The following NELFA variants were observed in gnomAD, a reference collection of about 807,000 sequenced individuals.
NELFA encodes negative elongation factor A.
In NELFA, 35 loss-of-function variants were observed where a neutral mutation model predicts 51.8. That is an observed-to-expected ratio of 0.68 (90% confidence interval 0.52 to 0.90). The LOEUF (loss-of-function observed/expected upper bound fraction) is 0.90. Ranked by LOEUF, NELFA falls within the 40% of genes least tolerant of loss-of-function variation. NELFA has a pLI of 0.00. For missense variants in NELFA, 658 were observed against 746.4 expected (o/e 0.88, Z 1.38); for synonymous variants, 417 against 338.4 (o/e 1.23, Z -2.55).
intron 1 of NELFA, among the ~76,000 whole-genome samples, chr4:1,992,972 T>C (rs1348913622): frequency 6.6e-6 from 1 of 152,038 alleles, no homozygotes; most frequent in Non-Finnish European, 1.5e-5. Context: ...GGGCCCTCAC[T>C]CCCGACGCCC....
In NELFA at chr4:1,986,052, C is replaced by T. The variant is rs949615993; in HGVS notation, c.835+62G>A. 5 of 1,524,612 alleles carry T rather than the reference C, an allele frequency of 3.3e-6. No homozygotes were observed. In the African/African-American group the frequency reaches 6.9e-5, roughly 21 times the overall value. 94.4% of individuals were successfully genotyped at this position (1,524,612 alleles called of 1,614,324 possible). ...CCCGCCGAGCGTGGGCACAACCCAC[C>T]CCAACTGGGCAGGGCCCGCAGGGAC... On this transcript the variant is annotated intron_variant, in intron 6 of 10. Transcript: ENST00000382882.
chr4:1,995,968 A>G (rs1482432114), intron 1 of NELFA, among the ~76,000 whole-genome samples: 1 of 151,914 alleles, frequency 6.6e-6, no homozygotes, highest in Non-Finnish European at 1.5e-5. Context: ...CGGGCAACAT[A>G]GTAAGACCCC....
rs144562260 is a variant in NELFA at position 1,991,623 on chromosome 4, C to T, written c.303G>A (p.Pro101=). ...GCTCCAGGTTAAGCGAGCCTGTGTC[C>T]GGAAAGGACTTCAAGATGTCGGCGA... is the stretch of plus-strand genomic sequence containing the variant. ...LMVADILKSF[P]DTGSLNLELE... The change falls in exon 2 of 11, where the codon CCG becomes CCA. Residue 101 remains proline (P), a synonymous_variant. Transcript: ENST00000382882. 135 of 1,613,856 alleles carry T rather than the reference C, an allele frequency of 8.4e-5. No individual in the cohort carries two copies. Among genetic ancestry groups the T allele is most frequent in the Middle Eastern group, 3.3e-4 (2 of 6,082 alleles).
rs939130639 is a variant in NELFA at position 1,991,808 on chromosome 4, C to T, written c.211-93G>A. On this transcript the variant is annotated intron_variant, in intron 1 of 10. Coordinates refer to ENST00000382882, the MANE Select transcript of NELFA (RefSeq NM_005663.5). Reference sequence around the variant, plus strand: ...TTCCGGATGGGCACTGGGCAGTGGCCGGGCTCTCTGGCAGTTGCCCCCAAC... The same window carrying T: ...TTCCGGATGGGCACTGGGCAGTGGCTGGGCTCTCTGGCAGTTGCCCCCAAC... 14 of 1,366,930 alleles carry T rather than the reference C, an allele frequency of 1.0e-5. No homozygotes were observed. The Admixed American group carries it at 1.2e-4, about 11-fold the overall frequency. The allele number at this position is 1,366,930 out of a possible 1,614,324, so 84.7% of individuals were successfully genotyped here.
Position 1,983,956 on chromosome 4 carries a change from G to A in NELFA, c.1194C>T (p.Thr398=), listed in dbSNP as rs779846085. Reference sequence around the variant, plus strand: ...TGGTAGGGGCGACAGCCGGAGGTGTGGTGGGTGTCAGAGGCGAGGTGGGCG... The same window carrying A: ...TGGTAGGGGCGACAGCCGGAGGTGTAGTGGGTGTCAGAGGCGAGGTGGGCG... ...PAAPTSPLTP[T]TPPAVAPTTQ... Residue 398 remains threonine, a synonymous_variant, in exon 9 of 11, where the codon ACC becomes ACT. Coordinates refer to ENST00000382882, the MANE Select transcript of NELFA (RefSeq NM_005663.5). 2.5e-6 allele frequency: 4 copies of A among 1,611,590 alleles called. No homozygotes were observed. The highest frequency in any genetic ancestry group is 3.4e-6 in the Non-Finnish European group (4 of 1,179,530).
At chr4:1,987,838 C>T in intron 4 of NELFA, 80 bp downstream of exon 4, 1 of 1,232,778 alleles carries the variant, frequency 8.1e-7, no homozygotes, top group Admixed American at 2.6e-5. Flanking sequence ...ACCACCTCCC[C>T]AACAGGGAGC....
At chr4:2,001,095 C>T (rs779817530) in intron 1 of NELFA, among the ~76,000 whole-genome samples, 1 of 152,148 alleles carries the variant, frequency 6.6e-6, no homozygotes, top group South Asian at 2.1e-4. Context: ...ATTCAACATC[C>T]CTGCATGTTA....
intron 7 of NELFA, 103 bp from the exon 8 acceptor site, chr4:1,985,022 C>T (rs1334717350): frequency 3.6e-6 from 3 of 825,458 alleles, no homozygotes; most frequent in Non-Finnish European, 5.6e-6. Flanking sequence ...CTGTGGCCCC[C>T]CGAGCTAGAG....
At chr4:1,995,012 A>G (rs957313192) in intron 1 of NELFA, among the ~76,000 whole-genome samples, 6 of 152,220 alleles carry the variant, frequency 3.9e-5, no homozygotes, top group African/African-American at 1.2e-4. Flanking sequence ...TTAGTCCCTC[A>G]TGATTCCAGG....
intron 1 of NELFA, among the ~76,000 whole-genome samples, chr4:1,993,206 A>G (rs1395400915): frequency 6.6e-6 from 1 of 152,162 alleles, no homozygotes; most frequent in Non-Finnish European, 1.5e-5. Context: ...AACAAAAAGG[A>G]CCACTGTTGT....
rs750555174 is a variant in NELFA, at chr4:2,008,967, G to T, written c.-8C>A. 6.4e-7 allele frequency: 1 copy of T among 1,552,862 alleles called. No individual in the cohort carries two copies. The highest frequency in any genetic ancestry group is 2.0e-5 in the Admixed American group (1 of 51,060). ...CTCCCGCATGGACGCCATCTTGGGG[G>T]AAAGCGCGCGCCGCTGCCCCGGCAT... On this transcript the variant is annotated 5_prime_UTR_variant, in exon 1 of 11. Coordinates refer to ENST00000382882, the MANE Select transcript of NELFA (RefSeq NM_005663.5).
chr4:2,008,690 G>A (rs974741557), intron 1 of NELFA, 60 bp downstream of exon 1: 91 of 1,542,592 alleles, frequency 5.9e-5, no homozygotes, highest in Non-Finnish European at 7.5e-5. Flanking sequence ...AGTTGGGTGT[G>A]CGGGTCGGAG....
Position 1,983,927 on chromosome 4 carries a change from T to C in NELFA, c.1223A>G (p.Gln408Arg). ...GGCCACCATGGCAACCGGGGGTGTCTGAGTGGTAGGGGCGACAGCCGGAGG... is the reference window on the plus strand; with the variant it reads ...GGCCACCATGGCAACCGGGGGTGTCCGAGTGGTAGGGGCGACAGCCGGAGG... ...TTPPAVAPTTQTPPVAMVAPQ... is the reference protein window; with the variant it reads ...TTPPAVAPTTRTPPVAMVAPQ... Residue 408 changes from glutamine to arginine, a missense_variant, in exon 9 of 11, where the codon CAG becomes CGG. Physicochemically the swap from Gln to Arg is conservative, Grantham distance 43 (BLOSUM62 1). Transcript: ENST00000382882. 6.2e-7 allele frequency: 1 copy of C among 1,609,320 alleles called. No homozygotes were observed.
chr4:2,002,035 C>T (rs568548401), intron 1 of NELFA, among the ~76,000 whole-genome samples: 8 of 151,258 alleles, frequency 5.3e-5, no homozygotes, highest in South Asian at 2.1e-4. Context: ...CCTGTCTCTA[C>T]TAAAAATACA....
chr4:2,005,901 C>T (rs778177922), intron 1 of NELFA, among the ~76,000 whole-genome samples: 9 of 152,044 alleles, frequency 5.9e-5, no homozygotes, highest in Non-Finnish European at 1.0e-4. Context: ...TTATAGGATG[C>T]AATATAAAGA....
Position 2,008,767 on chromosome 4 carries a change from G to A in NELFA, c.193C>T (p.Arg65Cys). The change falls in exon 1 of 11, where the codon CGC becomes TGC. Residue 65 changes from arginine (R) to cysteine (C), a missense_variant. Coordinates refer to ENST00000382882, the MANE Select transcript of NELFA (RefSeq NM_005663.5). The stretch of plus-strand genomic sequence containing the variant: ...TGCCTTACCTCGTCCACCGTGCGGC[G>A]CGGGAGGTGCAGCGTCCCGAGTAGC... ...KLLLGTLHLP[R>C]RTVDEMKGAL... is the part of the protein sequence containing the mutation. 6.2e-7 allele frequency: 1 copy of A among 1,610,492 alleles called. No individual in the cohort carries two copies. Among genetic ancestry groups the A allele is most frequent in the Non-Finnish European group, 8.5e-7 (1 of 1,178,612 alleles).
chr4:1,993,419 A>G (rs928774921), intron 1 of NELFA, among the ~76,000 whole-genome samples: 2 of 152,114 alleles, frequency 1.3e-5, no homozygotes, highest in African/African-American at 4.8e-5. Flanking sequence ...GTCTCTACTA[A>G]AAATACAAAA....
At chr4:1,994,904 G>A (rs1728381350) in intron 1 of NELFA, among the ~76,000 whole-genome samples, 1 of 152,112 alleles carries the variant, frequency 6.6e-6, no homozygotes, top group African/African-American at 2.4e-5. Context: ...CAGTGAACTG[G>A]TTGTAGAATT....
chr4:1,998,696 G>A (rs551299150), intron 1 of NELFA, among the ~76,000 whole-genome samples: 9 of 152,224 alleles, frequency 5.9e-5, no homozygotes, highest in South Asian at 2.1e-4. Context: ...AGAAGGAGAC[G>A]GGGAGAATGG....
Sources: gnomAD v4.1 joint callset for allele counts (sites outside exome capture counted in the v4.1 genomes callset) on GRCh38, gnomAD v4.1.1 for gene constraint, MANE v1.5 for transcripts, NCBI Gene and HGNC (gene_info 2026-07-23, HGNC 2026-07-21) for gene names.